THAP9: variants seen among roughly 807,000 people sequenced by gnomAD.
The protein encoded by THAP9 is THAP domain containing 9.
Under a neutral mutation model 35.7 loss-of-function variants are expected in THAP9, and 20 were observed. The observed-to-expected ratio is 0.56, with a 90% CI of 0.39 to 0.81. THAP9 has a LOEUF of 0.81. Among genes scored for constraint, THAP9 ranks in the 40% least tolerant of loss-of-function variants. The pLI is 0.00. For synonymous variants in THAP9, 335 were observed against 373.7 expected (o/e 0.90, Z 1.19); for missense variants, 870 against 1,047.4 (o/e 0.83, Z 2.34).
intron 1 of THAP9, among the ~76,000 whole-genome samples, chr4:82,902,304 C>T (rs1024961595): frequency 3.3e-5 from 5 of 151,006 alleles, no homozygotes; most frequent in African/African-American, 1.2e-4. Flanking sequence ...CAGTGTGTTG[C>T]CCAGGTTGGT....
chr4:82,907,731 G>GT, intron 3 of THAP9, 54 bp from the exon 4 acceptor site: 9 of 1,345,572 alleles, frequency 6.7e-6, no homozygotes, highest in Non-Finnish European at 8.2e-6. Flanking sequence ...GCTATAATCT[G>GT]TACCTGAAAA....
Position 82,918,037 on chromosome 4 carries a change from C to A in THAP9, c.1825C>A (p.His609Asn). The A allele has an allele frequency of 6.2e-7, 1 of 1,613,966 alleles. No homozygotes were observed. Among genetic ancestry groups the A allele is most frequent in the South Asian group, 1.1e-5 (1 of 91,036 alleles). ...TTATCTTCTGACTTACAAATTCAGT[C>A]ATGATCATCTGGAATTATTTCTAAA... The part of the protein sequence containing the change: ...FPYLLTYKFS[H>N]DHLELFLKML... The change falls in exon 5 of 5, where the codon CAT (histidine) becomes AAT (asparagine). Residue 609 changes from histidine (H) to asparagine (N), a missense_variant. Coordinates refer to ENST00000302236, the MANE Select transcript of THAP9 (RefSeq NM_024672.6).
chr4:82,905,900 A>G (rs1221900143), intron 2 of THAP9: 1 of 456,328 alleles, frequency 2.2e-6, no homozygotes, highest in Admixed American at 2.3e-5. Flanking sequence ...GTGACAGCTA[A>G]TTGAGGGAGC....
Position 82,918,850 on chromosome 4 carries a change from A to G in THAP9, c.2638A>G (p.Lys880Glu). 1 of 1,613,284 alleles carries G rather than the reference A, an allele frequency of 6.2e-7. No individual in the cohort carries two copies. Among genetic ancestry groups the G allele is most frequent in the Non-Finnish European group, 8.5e-7 (1 of 1,179,654 alleles). The change falls in exon 5 of 5, where the codon AAA becomes GAA. Residue 880 changes from lysine (K) to glutamate (E), a missense_variant. Lys to Glu is a moderately conservative substitution (Grantham distance 56). Coordinates refer to ENST00000302236, the MANE Select transcript of THAP9 (RefSeq NM_024672.6). ...RKHWSSVQDY[K>E]CSSFANTSSK... ...ACACTGGTCATCTGTACAGGATTAT[A>G]AATGTTCAAGTTTTGCTAATACCAG... is the stretch of plus-strand genomic sequence containing the variant.
At position 82,918,803 on chromosome 4, in the gene THAP9, A is replaced by C. The variant is rs142026631; in HGVS notation, c.2591A>C (p.Asp864Ala). The C allele has an allele frequency of 6.2e-7, 1 of 1,613,848 alleles. No homozygotes were observed. The highest frequency in any genetic ancestry group is 8.5e-7 in the Non-Finnish European group (1 of 1,179,890). The change falls in exon 5 of 5, where the codon GAT becomes GCT. Residue 864 changes from aspartate to alanine, a missense_variant. This residue lies in a region of THAP9 where 414 missense variants were observed against 500.8 expected (regional missense o/e 0.83). Transcript: ENST00000302236. ...TTAAAACATCATTCAGAGAGAACTG[A>C]TATGAAAACTTTATCAAGGAAACAC... is the stretch of plus-strand genomic sequence containing the variant. ...NPLKHHSERT[D>A]MKTLSRKHWS...
intron 3 of THAP9, among the ~76,000 whole-genome samples, chr4:82,907,578 T>C (rs1434858297): frequency 6.6e-6 from 1 of 152,206 alleles, no homozygotes. Context: ...AAATTTTTTC[T>C]TCCCTCTAGT....
intron 4 of THAP9, among the ~76,000 whole-genome samples, chr4:82,915,863 A>G (rs984615263): frequency 9.2e-5 from 14 of 152,166 alleles, no homozygotes; most frequent in Non-Finnish European, 2.1e-4. Flanking sequence ...AAAGTCATGT[A>G]TAAGTGTACC....
intron 4 of THAP9, 26 bp from the exon 5 acceptor site, chr4:82,916,918 G>A: frequency 6.7e-7 from 1 of 1,484,206 alleles, no homozygotes. Flanking sequence ...CTCTTTGAGT[G>A]TTCTTTCACT....
rs778310542 is a variant in THAP9, at chr4:82,918,943, A to G, written c.*19A>G. The G allele has an allele frequency of 1.3e-6, 2 of 1,504,838 alleles. No individual in the cohort carries two copies. Among genetic ancestry groups the G allele is most frequent in the South Asian group, 2.6e-5 (2 of 75,972 alleles). 93.2% of individuals were successfully genotyped at this position (1,504,838 alleles called of 1,614,324 possible). ...CAAATGAGAGACCTAAAATATATTA[A>G]CATTTTAATTAAGAATACTTGATCA... On this transcript the variant is annotated 3_prime_UTR_variant, in exon 5 of 5. Transcript: ENST00000302236.
In THAP9 at chr4:82,917,001, T is replaced by A; in HGVS notation, c.789T>A (p.Leu263=). ...PGFNSNIFSF[L]QRRVENGDQL... ...TCAACAGCAACATTTTTTCTTTTCT[T>A]CAACGAAGAGTAGAGAATGGAGATC... is the stretch of plus-strand genomic sequence containing the variant. Residue 263 remains leucine, a synonymous_variant, in exon 5 of 5, where the codon CTT becomes CTA. Coordinates refer to ENST00000302236, the MANE Select transcript of THAP9 (RefSeq NM_024672.6). 6.4e-7 allele frequency: 1 copy of A among 1,563,412 alleles called. No homozygotes were observed. Among genetic ancestry groups the A allele is most frequent in the African/African-American group, 1.4e-5 (1 of 72,968 alleles).
rs772049107 is a variant in THAP9, at chr4:82,900,786, C to T, written c.-17C>T. 1.9e-6 allele frequency: 3 copies of T among 1,613,390 alleles called. No individual in the cohort carries two copies. Among genetic ancestry groups the T allele is most frequent in the South Asian group, 1.1e-5 (1 of 91,070 alleles). ...TGTCGCGGGAACCCCGAAGGTGGGG[C>T]CCCACGTAACAAGAAGATGACCCGA... On this transcript the variant is annotated 5_prime_UTR_variant, in exon 1 of 5. Coordinates refer to ENST00000302236, the MANE Select transcript of THAP9 (RefSeq NM_024672.6).
At position 82,919,932 on chromosome 4, in the gene THAP9, C is replaced by T. The variant is rs567594547; in HGVS notation, c.*1008C>T. On this transcript the variant is annotated 3_prime_UTR_variant, in exon 5 of 5. Coordinates refer to ENST00000302236, the MANE Select transcript of THAP9 (RefSeq NM_024672.6). The stretch of plus-strand genomic sequence containing the variant: ...TAGAATTGTAAAAGATTAATGATAA[C>T]GTAAAAGTATATTGATTAAAATTCC... 117 of 152,200 alleles carry T rather than the reference C, an allele frequency of 7.7e-4. No individual in the cohort carries two copies. The highest frequency in any genetic ancestry group is 2.6e-3 in the African/African-American group (108 of 41,536). The allele number at this position is 152,200 out of a possible 1,614,324, so 9.4% of individuals were successfully genotyped here.
chr4:82,901,451 G>C (rs1364527122), intron 1 of THAP9, among the ~76,000 whole-genome samples: 4 of 152,016 alleles, frequency 2.6e-5, no homozygotes, highest in African/African-American at 4.8e-5. Flanking sequence ...CAGTATTCAG[G>C]GTACACTAGC....
rs193230776 is a variant in THAP9 at position 82,915,911 on chromosome 4, T to G, written c.732-1033T>G. On this transcript the variant is annotated intron_variant, in intron 4 of 4. Coordinates refer to ENST00000302236, the MANE Select transcript of THAP9 (RefSeq NM_024672.6). ...TTCAGAAGTCAACTCTGTGTGTGTG[T>G]GTCATATATGTGTAAGTTCGTAGTA... 4.6e-4 allele frequency among the ~76,000 whole-genome samples: 70 copies of G among 152,314 alleles called. 3 individuals are homozygous for G. The highest frequency in any genetic ancestry group is 4.5e-3 in the Admixed American group (69 of 15,296).
At chr4:82,901,240 G>A (rs563900199) in intron 1 of THAP9, 7 of 511,502 alleles carry the variant, frequency 1.4e-5, no homozygotes, top group South Asian at 1.1e-4. Flanking sequence ...GTCTTCCTGA[G>A]CACGAGTACA....
chr4:82,913,366 A>G (rs925555109), intron 4 of THAP9: 2 of 152,198 alleles, frequency 1.3e-5, no homozygotes, highest in African/African-American at 4.8e-5. Flanking sequence ...AAAATTACAT[A>G]GGGACATTAA....
intron 1 of THAP9, chr4:82,903,536 CAT>C (rs1720515326): frequency 6.6e-6 from 1 of 152,242 alleles, no homozygotes; most frequent in Non-Finnish European, 1.5e-5. Flanking sequence ...AGTTTCTAAA[CAT>C]AATTTGGCTT....
intron 4 of THAP9, among the ~76,000 whole-genome samples, chr4:82,909,163 C>T (rs754501099): frequency 2.0e-5 from 3 of 152,050 alleles, no homozygotes. Context: ...CCTCGGCCTC[C>T]CAAAGTGCTG....
At chr4:82,900,963 G>C (rs1321604274) in intron 1 of THAP9, 81 bp downstream of exon 1, 1 of 1,526,666 alleles carries the variant, frequency 6.6e-7, no homozygotes, top group Non-Finnish European at 9.0e-7. Context: ...GCGGGGCCGG[G>C]CCGCACTGTG....
Sources: allele counts gnomAD v4.1 joint callset (sites outside exome capture counted in the v4.1 genomes callset), GRCh38; gene constraint gnomAD v4.1.1; regional missense constraint gnomAD v4.1.1; transcripts MANE v1.5; gene names NCBI Gene and HGNC (gene_info 2026-07-23, HGNC 2026-07-21).